WARS1: variants seen among roughly 807,000 people sequenced by gnomAD.
WARS1 encodes tryptophan--tRNA ligase, cytoplasmic.
In WARS1, 17 loss-of-function variants were observed where a neutral mutation model predicts 47.8. That is an observed-to-expected ratio of 0.36 (90% CI 0.24 to 0.53). The LOEUF (loss-of-function observed/expected upper bound fraction) is 0.53. WARS1 is among the 20% of genes least tolerant of loss of function. The pLI, the probability that WARS1 is intolerant of heterozygous loss-of-function variation, is 0.91. For synonymous variants in WARS1, 208 were observed against 228.1 expected, an observed-to-expected ratio of 0.91 and a Z score of 0.79; for missense variants, 434 against 608.0, an observed-to-expected ratio of 0.71 and a Z score of 3.01.
chr14:100,348,800 T>A (rs939505590), intron 6 of WARS1, among the ~76,000 whole-genome samples: 3 of 152,200 alleles, frequency 2.0e-5, no homozygotes, highest in Non-Finnish European at 4.4e-5. Context: ...GTGGCAGGAC[T>A]GTAGCTTCAC....
intron 7 of WARS1, among the ~76,000 whole-genome samples, chr14:100,344,695 C>T (rs543468716): frequency 4.6e-4 from 70 of 151,796 alleles, no homozygotes; most frequent in Non-Finnish European, 7.1e-4. Flanking sequence ...TCTGCCCGGC[C>T]GCCCATCGTC....
chr14:100,367,871 A>G (rs1285569101), intron 2 of WARS1, among the ~76,000 whole-genome samples: 3 of 152,148 alleles, frequency 2.0e-5, no homozygotes, highest in Non-Finnish European at 4.4e-5. Flanking sequence ...ACGCTTTCAG[A>G]TGGGCAAGAT....
At position 100,343,829 on chromosome 14, in the gene WARS1, TTCA is replaced by T. The variant is rs1346677271; in HGVS notation, c.827-445_827-443del. On this transcript the variant is annotated intron_variant, in intron 7 of 10. Transcript: ENST00000392882. ...TTTGTATTTTTAGTAGAGATGAGGT[TTCA>T]TCATGTTGGCCAGCATGGTCTCAAT... 5.3e-5 allele frequency among the ~76,000 whole-genome samples: 8 copies of T among 152,184 alleles called. No individual in the cohort carries two copies. The East Asian group carries it at 1.4e-3, about 26-fold the overall frequency.
chr14:100,367,041 A>G, intron 2 of WARS1: 1 of 765,802 alleles, frequency 1.3e-6, no homozygotes, highest in South Asian at 2.0e-5. Flanking sequence ...ATACAGTAAA[A>G]TAAGATTAAA....
chr14:100,336,663 G>C (rs2139876126), intron 10 of WARS1, among the ~76,000 whole-genome samples: 1 of 152,328 alleles, frequency 6.6e-6, no homozygotes, highest in African/African-American at 2.4e-5. Flanking sequence ...TCCTGAGGCT[G>C]TGCTGATAAA....
intron 1 of WARS1, 76 bp downstream of exon 1, chr14:100,375,207 C>A (rs765877780): frequency 7.2e-5 from 11 of 152,126 alleles, no homozygotes; most frequent in Non-Finnish European, 1.5e-4. Context: ...AAGTCCTGAC[C>A]CCCTAAACCA....
At position 100,366,731 on chromosome 14, in the gene WARS1, C is replaced by T. The variant is rs532669856; in HGVS notation, c.99+2356G>A. 6 of 832,606 alleles carry T rather than the reference C, an allele frequency of 7.2e-6. No homozygotes were observed. The East Asian group carries it at 1.2e-4, about 17-fold the overall frequency. 51.6% of individuals were successfully genotyped at this position (832,606 alleles called of 1,614,324 possible). The stretch of plus-strand genomic sequence containing the variant: ...ACCATTAGAAACTATCCAGAAGAAG[C>T]TGGCTGAAAAAGGGCTAAGGGATCC... On this transcript the variant is annotated intron_variant, in intron 2 of 10. Transcript: ENST00000392882.
At position 100,342,450 on chromosome 14, in the gene WARS1, T is replaced by A. The variant is rs1181299479; in HGVS notation, c.1061A>T (p.Asp354Val). The change falls in exon 9 of 11, where the codon GAC becomes GTC. Residue 354 changes from aspartate (D) to valine (V), a missense_variant. By Grantham distance (152) the Asp-to-Val change is radical. Around this residue, in one of 2 missense-constraint regions of WARS1, gnomAD observed 347 missense variants for 523.8 expected, o/e 0.66. Coordinates refer to ENST00000392882, the MANE Select transcript of WARS1 (RefSeq NM_004184.4). ...QGAQTKMSAS[D>V]PNSSIFLTDT... ...GGTGAGGAAGATGGAGGAGTTGGGG[T>A]CGCTGGCACTCATTTTGGTCTGGGC... 4 of 1,613,758 alleles carry A rather than the reference T, an allele frequency of 2.5e-6. No homozygotes were observed. In the African/African-American group the frequency reaches 5.3e-5, roughly 22 times the overall value.
chr14:100,376,180 A>C, upstream of WARS1: 1 of 233,860 alleles, frequency 4.3e-6, no homozygotes. Flanking sequence ...GGGCCAGGCC[A>C]CTGGGCGCCG....
intron 2 of WARS1, chr14:100,366,010 C>T (rs1028893915): frequency 2.2e-6 from 1 of 455,886 alleles, no homozygotes; most frequent in Non-Finnish European, 4.4e-6. Context: ...GAAGTCTCTT[C>T]AAGAAGCAGT....
At chr14:100,338,252 C>G (rs1184824514) in intron 9 of WARS1, among the ~76,000 whole-genome samples, 1 of 152,082 alleles carries the variant, frequency 6.6e-6, no homozygotes, top group African/African-American at 2.4e-5. Context: ...CAGTGAGCAT[C>G]TGAGAAAATG....
chr14:100,366,496 G>T (rs1442235869), intron 2 of WARS1: 1 of 434,878 alleles, frequency 2.3e-6, no homozygotes, highest in Non-Finnish European at 4.2e-6. Context: ...TAATATGAAA[G>T]GCAGGTAGAA....
intron 9 of WARS1, 122 bp from the exon 10 acceptor site, chr14:100,337,324 A>C: frequency 6.9e-7 from 1 of 1,444,218 alleles, no homozygotes; most frequent in Non-Finnish European, 9.4e-7. Context: ...GACCCGGGAA[A>C]GGCCAAGGCG....
At chr14:100,340,913 T>A (rs1203406996) in intron 9 of WARS1, among the ~76,000 whole-genome samples, 2 of 125,992 alleles carry the variant, frequency 1.6e-5, no homozygotes, top group Non-Finnish European at 3.8e-5. Flanking sequence ...TTCTTTTTTC[T>A]TTTCTTTTTT....
chr14:100,355,395 G>T (rs1006069621), intron 4 of WARS1, among the ~76,000 whole-genome samples: 3 of 150,194 alleles, frequency 2.0e-5, no homozygotes, highest in Non-Finnish European at 3.0e-5. Flanking sequence ...CTAATTTTTT[G>T]TGTTTTTAAT....
chr14:100,365,726 TTC>T (rs145236383), intron 2 of WARS1: 1,377 of 132,404 alleles, frequency 0.01, 27 homozygotes, highest in African/African-American at 0.053. Flanking sequence ...AGCAGAGATC[TTC>T]TTTTTTTTTT....
At chr14:100,365,682 T>C (rs1300657088) in intron 2 of WARS1, 2 of 182,996 alleles carry the variant, frequency 1.1e-5, no homozygotes, top group African/African-American at 2.4e-5. Flanking sequence ...AGATGCGTAT[T>C]GATGATGATA....
chr14:100,365,961 G>A (rs1412442772), intron 2 of WARS1: 1 of 453,566 alleles, frequency 2.2e-6, no homozygotes, highest in Non-Finnish European at 4.4e-6. Context: ...TACAGGAGTG[G>A]GGGCAGGAAA....
intron 10 of WARS1, among the ~76,000 whole-genome samples, chr14:100,336,091 C>T (rs993307257): frequency 1.3e-5 from 2 of 151,684 alleles, no homozygotes; most frequent in East Asian, 3.9e-4. Flanking sequence ...TTGAATAAGA[C>T]GGTAAAACCC....
Sources: gnomAD v4.1 joint callset for allele counts (sites outside exome capture counted in the v4.1 genomes callset) on GRCh38, gnomAD v4.1.1 for gene constraint, gnomAD v4.1.1 regional missense constraint, MANE v1.5 for transcripts, NCBI Gene and HGNC (gene_info 2026-07-23, HGNC 2026-07-21) for gene names.